Variants in PRKD1 observed in about 807,000 individuals in gnomAD.
PRKD1 encodes the protein serine/threonine-protein kinase D1.
PRKD1 carries 63 observed loss-of-function variants against 95.9 expected under a neutral mutation model. The ratio of observed to expected loss-of-function variants is 0.66; its 90% CI spans 0.54 to 0.81. The LOEUF (loss-of-function observed/expected upper bound fraction) is 0.81, where lower values mean the gene tolerates loss of function less well. PRKD1 is among the 30% of genes least tolerant of loss of function. PRKD1 has a pLI of 0.00. For synonymous variants in PRKD1, 425 were observed against 423.1 expected, an observed-to-expected ratio of 1.00 and a Z score of -0.05; for missense variants, 1,048 against 1,165.3, an observed-to-expected ratio of 0.90 and a Z score of 1.47.
intron 1 of PRKD1, among the ~76,000 whole-genome samples, chr14:29,804,099 G>A (rs139486029): frequency 2.4e-4 from 37 of 152,026 alleles, no homozygotes; most frequent in Middle Eastern, 3.4e-3. Flanking sequence ...AAAATTAGCC[G>A]GGCATGGTGG....
chr14:29,725,581 C>T lies in PRKD1; in HGVS notation c.358G>A (p.Ala120Thr). The T allele has an allele frequency of 1.2e-6, 2 of 1,613,798 alleles. No homozygotes were observed. The highest frequency in any genetic ancestry group is 8.5e-7 in the Non-Finnish European group (1 of 1,179,786). Residue 120 changes from alanine to threonine, a missense_variant, in exon 2 of 18, where the codon GCC (alanine) becomes ACC (threonine). By Grantham distance (58) the Ala-to-Thr change is moderately conservative. Around this residue, in one of 3 missense-constraint regions of PRKD1, gnomAD observed 275 missense variants for 248.6 expected, o/e 1.11. Coordinates refer to ENST00000331968, the MANE Select transcript of PRKD1 (RefSeq NM_002742.3). ...SENILQLVKA[A>T]SDIQEGDLIE... ...AGATCGCCTTCCTGGATATCACTGG[C>T]CGCTTTCACCAGCTGAAGGATGTTT...
intron 1 of PRKD1, among the ~76,000 whole-genome samples, chr14:29,833,930 A>G (rs766383014): frequency 2.0e-5 from 3 of 152,144 alleles, no homozygotes; most frequent in Non-Finnish European, 4.4e-5. Context: ...TCAAGAGAGT[A>G]GCTATTCAAA....
intron 1 of PRKD1, among the ~76,000 whole-genome samples, chr14:29,894,551 T>C (rs1894052991): frequency 6.6e-6 from 1 of 152,218 alleles, no homozygotes; most frequent in Admixed American, 6.5e-5. Context: ...AGACCTACAT[T>C]TGTACAAAAT....
intron 1 of PRKD1, among the ~76,000 whole-genome samples, chr14:29,841,907 T>C (rs1017136796): frequency 6.6e-6 from 1 of 151,972 alleles, no homozygotes; most frequent in Non-Finnish European, 1.5e-5. Flanking sequence ...TTTCTTTTTT[T>C]ATATACTTAT....
intron 1 of PRKD1, among the ~76,000 whole-genome samples, chr14:29,900,978 T>A (rs867199980): frequency 6.6e-6 from 1 of 152,178 alleles, no homozygotes; most frequent in Non-Finnish European, 1.5e-5. Context: ...CCAGCAATCC[T>A]CCTACTGGGT....
chr14:29,732,643 C>T (rs1180540132), intron 1 of PRKD1, among the ~76,000 whole-genome samples: 1 of 152,122 alleles, frequency 6.6e-6, no homozygotes, highest in Non-Finnish European at 1.5e-5. Context: ...TTCATAAAAG[C>T]TGGATGGCAA....
chr14:29,657,356 A>T (rs1267024495), intron 4 of PRKD1: 4 of 152,118 alleles, frequency 2.6e-5, no homozygotes, highest in African/African-American at 9.7e-5. Flanking sequence ...AATATAGTTC[A>T]CTCTTTTTCT....
At chr14:29,595,244 T>C (rs1893258871) in intron 16 of PRKD1, among the ~76,000 whole-genome samples, 1 of 152,180 alleles carries the variant, frequency 6.6e-6, no homozygotes, top group African/African-American at 2.4e-5. Context: ...CCTGTATAAT[T>C]CCCTCTTGCT....
chr14:29,654,464 G>A (rs918068804), intron 4 of PRKD1, among the ~76,000 whole-genome samples: 2 of 152,150 alleles, frequency 1.3e-5, no homozygotes, highest in African/African-American at 4.8e-5. Flanking sequence ...GTGAGCCACT[G>A]TGCTTGGCCA....
chr14:29,663,839 T>TA lies in PRKD1; in HGVS notation c.555dup (p.Lys186Ter). On this transcript the variant is annotated frameshift_variant, in exon 4 of 18. Transcript: ENST00000331968. LOFTEE classifies it high-confidence loss of function. ...TTGGGTATTTTAAATGCACATCTCT[T>TA]ATGGTAATTCAGACCACACCCTGGA... 11 of 1,613,992 alleles carry TA rather than the reference T, an allele frequency of 6.8e-6. No homozygotes were observed. Among genetic ancestry groups the TA allele is most frequent in the Non-Finnish European group, 9.3e-6 (11 of 1,179,874 alleles).
intron 7 of PRKD1, among the ~76,000 whole-genome samples, chr14:29,634,904 G>A (rs1176283312): frequency 1.3e-5 from 2 of 151,986 alleles, no homozygotes; most frequent in African/African-American, 4.8e-5. Flanking sequence ...GCATGTTGGC[G>A]GGCACCTGTA....
At chr14:29,841,883 A>AC (rs199961782) in intron 1 of PRKD1, among the ~76,000 whole-genome samples, 1 of 151,874 alleles carries the variant, frequency 6.6e-6, no homozygotes, top group East Asian at 1.9e-4. Flanking sequence ...GTGCAGCTGT[A>AC]CCCCAAAAAA....
Position 29,599,679 on chromosome 14 carries a change from T to C in PRKD1, c.2044A>G (p.Ile682Val). Reference sequence around the variant, plus strand: ...ACCTGAGTAATTAAAAACTTCGTTATGTGCTCTGGCAACCTGCCCTTTTCA... The same window carrying C: ...ACCTGAGTAATTAAAAACTTCGTTACGTGCTCTGGCAACCTGCCCTTTTCA... ...SSEKGRLPEH[I>V]TKFLITQILV... The change falls in exon 14 of 18, where the codon ATA becomes GTA. Residue 682 changes from isoleucine (I) to valine (V), a missense_variant. Ile to Val is a conservative substitution (Grantham distance 29). Transcript: ENST00000331968. The C allele has an allele frequency of 1.2e-6, 2 of 1,612,142 alleles. No homozygotes were observed. Among genetic ancestry groups the C allele is most frequent in the African/African-American group, 1.3e-5 (1 of 74,986 alleles).
chr14:29,634,586 A>G (rs1214821844), intron 7 of PRKD1, 45 bp from the exon 8 acceptor site: 2 of 1,609,386 alleles, frequency 1.2e-6, no homozygotes, highest in Admixed American at 3.3e-5. Context: ...TTTCAGGTAC[A>G]TTTTATGTAT....
intron 1 of PRKD1, among the ~76,000 whole-genome samples, chr14:29,778,243 A>G (rs1158294618): frequency 2.0e-5 from 3 of 152,336 alleles, no homozygotes; most frequent in African/African-American, 7.2e-5. Flanking sequence ...AAGCAAGAGC[A>G]AACACATTCA....
intron 1 of PRKD1, among the ~76,000 whole-genome samples, chr14:29,880,872 T>C (rs976816575): frequency 1.3e-5 from 2 of 152,188 alleles, no homozygotes; most frequent in African/African-American, 4.8e-5. Context: ...GGCCCTTGCA[T>C]GGCCAATTTC....
intron 1 of PRKD1, among the ~76,000 whole-genome samples, chr14:29,736,976 A>T (rs1464517812): frequency 1.3e-5 from 2 of 152,156 alleles, no homozygotes; most frequent in Admixed American, 1.3e-4. Flanking sequence ...AAATTAATCC[A>T]TGACTCAGTC....
intron 1 of PRKD1, among the ~76,000 whole-genome samples, chr14:29,905,889 T>C (rs1312399702): frequency 2.0e-5 from 3 of 152,200 alleles, no homozygotes; most frequent in Admixed American, 1.3e-4. Flanking sequence ...GCGGGGCTTA[T>C]AACTCTCGAG....
chr14:29,726,018 C>T (rs1007429924), intron 1 of PRKD1, among the ~76,000 whole-genome samples: 7 of 152,084 alleles, frequency 4.6e-5, no homozygotes, highest in African/African-American at 1.4e-4. Context: ...AGATGATTTA[C>T]AGCAATCCAG....
Sources: gnomAD v4.1 joint callset for allele counts (sites outside exome capture counted in the v4.1 genomes callset) on GRCh38, gnomAD v4.1.1 for gene constraint, gnomAD v4.1.1 regional missense constraint, MANE v1.5 for transcripts, NCBI Gene and HGNC (gene_info 2026-07-23, HGNC 2026-07-21) for gene names.